Variants in PLCD4 observed in about 807,000 individuals in gnomAD.
The protein encoded by PLCD4 is phospholipase C delta 4, also known as 1-phosphatidylinositol 4,5-bisphosphate phosphodiesterase delta-4.
A neutral mutation model predicts 90.2 loss-of-function variants in PLCD4; 63 were observed. The ratio of observed to expected loss-of-function variants is 0.70; its 90% confidence interval spans 0.57 to 0.86. The LOEUF is 0.86. Among genes scored for constraint, PLCD4 ranks in the 40% least tolerant of loss-of-function variants. PLCD4 has a pLI of 0.00. For missense variants in PLCD4, 830 were observed against 956.3 expected (o/e 0.87, Z 1.74); for synonymous variants, 294 against 356.5 (o/e 0.82, Z 1.97).
intron 7 of PLCD4, chr2:218,628,485 T>G: frequency 4.8e-6 from 2 of 418,552 alleles, no homozygotes; most frequent in Non-Finnish European, 8.6e-6. Context: ...CAGATTTATA[T>G]TTAACAAATT....
At position 218,636,707 on chromosome 2, in the gene PLCD4, T is replaced by C; in HGVS notation, c.*130T>C. The C allele has an allele frequency of 1.0e-6, 1 of 958,938 alleles. No homozygotes were observed. 59.4% of individuals were successfully genotyped at this position (958,938 alleles called of 1,614,324 possible). On this transcript the variant is annotated 3_prime_UTR_variant, in exon 16 of 16. Transcript: ENST00000450993. The stretch of plus-strand genomic sequence containing the variant: ...GATTGTGCATTCCTAGGCACAAAAT[T>C]ACCTCATTCTTCCTAACAAGCAATC...
rs1695940524 is a variant in PLCD4 at position 218,622,702 on chromosome 2, A to G, written c.596A>G (p.Tyr199Cys). The G allele has an allele frequency of 6.2e-7, 1 of 1,614,048 alleles. No individual in the cohort carries two copies. The highest frequency in any genetic ancestry group is 8.5e-7 in the Non-Finnish European group (1 of 1,179,896). ...GAAGGAGAAGAATTCGTACAGTTCT[A>G]TAAGGCATTGACTAAACGTGCTGAG... ...TLEGEEFVQFYKALTKRAEVQ... is the reference protein window; with the variant it reads ...TLEGEEFVQFCKALTKRAEVQ... The change falls in exon 6 of 16, where the codon TAT (tyrosine) becomes TGT (cysteine). Residue 199 changes from tyrosine (Y) to cysteine (C), a missense_variant. Coordinates refer to ENST00000450993, the MANE Select transcript of PLCD4 (RefSeq NM_032726.4).
In PLCD4 at chr2:218,636,286, G is replaced by A. The variant is rs766706010; in HGVS notation, c.2076G>A (p.Leu692=). 6.2e-7 allele frequency: 1 copy of A among 1,614,024 alleles called. No individual in the cohort carries two copies. The highest frequency in any genetic ancestry group is 1.1e-5 in the South Asian group (1 of 91,080). ...GGCAGACACTATGTTTCCGGGTGCT[G>A]GTGCCTGAACTTGCCATGCTGCGTT... ...YWGQTLCFRV[L]VPELAMLRFV... Residue 692 remains leucine, a synonymous_variant, in exon 15 of 16, where the codon CTG becomes CTA. Coordinates refer to ENST00000450993, the MANE Select transcript of PLCD4 (RefSeq NM_032726.4).
intron 9 of PLCD4, among the ~76,000 whole-genome samples, chr2:218,631,317 A>T (rs1237673079): frequency 1.3e-5 from 2 of 152,030 alleles, no homozygotes; most frequent in African/African-American, 4.8e-5. Context: ...GGTGTGCACC[A>T]CCACACCTGG....
intron 13 of PLCD4, among the ~76,000 whole-genome samples, chr2:218,635,225 C>T (rs1410299751): frequency 6.6e-6 from 1 of 152,106 alleles, no homozygotes; most frequent in East Asian, 1.9e-4. Flanking sequence ...CTATGACTGC[C>T]CCACTGCATT....
rs1399557820 is a variant in PLCD4 at position 218,634,095 on chromosome 2, C to T, written c.1607-10C>T. Reference sequence around the variant, plus strand: ...CCCACTTCCATCTCCCTCTCTATACCCTTTTACAGGCAATGAGTTTGTGCA... The same window carrying T: ...CCCACTTCCATCTCCCTCTCTATACTCTTTTACAGGCAATGAGTTTGTGCA... On this transcript the variant is annotated splice_polypyrimidine_tract_variant and intron_variant, in intron 11 of 15. Coordinates refer to ENST00000450993, the MANE Select transcript of PLCD4 (RefSeq NM_032726.4). The surrounding 1 kb of genome is among the most constrained non-coding windows in gnomAD (Gnocchi z 4.0). 15 of 1,602,182 alleles carry T rather than the reference C, an allele frequency of 9.4e-6. No homozygotes were observed. The highest frequency in any genetic ancestry group is 1.3e-5 in the African/African-American group (1 of 74,776).
At chr2:218,627,105 A>G (rs1186547189) in intron 6 of PLCD4, among the ~76,000 whole-genome samples, 2 of 151,428 alleles carry the variant, frequency 1.3e-5, no homozygotes, top group Non-Finnish European at 2.9e-5. Context: ...TACAAAGAAA[A>G]AAAAAAAGAG....
intron 1 of PLCD4, among the ~76,000 whole-genome samples, chr2:218,614,387 G>C (rs1021798434): frequency 6.6e-6 from 1 of 151,060 alleles, no homozygotes; most frequent in East Asian, 2.0e-4. Context: ...TCCTGACCTC[G>C]TGATCCACCC....
chr2:218,629,512 C>CT lies in PLCD4; in HGVS notation c.975-4dup, dbSNP rs1300310332. On this transcript the variant is annotated splice_region_variant and splice_polypyrimidine_tract_variant and intron_variant, in intron 7 of 15. Coordinates refer to ENST00000450993, the MANE Select transcript of PLCD4 (RefSeq NM_032726.4). ...CCTATTTCTCGGTGGGGATGGGGTT[C>CT]TTTCAGGGCCCTGAAGCGGGGGTGC... 15 of 1,608,562 alleles carry CT rather than the reference C, an allele frequency of 9.3e-6. No homozygotes were observed. The highest frequency in any genetic ancestry group is 2.7e-5 in the African/African-American group (2 of 73,718).
At chr2:218,631,863 G>A (rs1406904147) in intron 9 of PLCD4, among the ~76,000 whole-genome samples, 1 of 150,966 alleles carries the variant, frequency 6.6e-6, no homozygotes, top group East Asian at 2.0e-4. Context: ...TCTTTATATT[G>A]ACATGTAAAT....
At chr2:218,633,171 G>C (rs1340160438) in intron 10 of PLCD4, 6 of 559,694 alleles carry the variant, frequency 1.1e-5, no homozygotes, top group Non-Finnish European at 1.9e-5. Context: ...TGCATACCTT[G>C]ACATATCTGT....
At chr2:218,616,106 A>C (rs1178545034) in intron 3 of PLCD4, 44 bp downstream of exon 3, 2 of 1,596,854 alleles carry the variant, frequency 1.3e-6, no homozygotes, top group Admixed American at 3.4e-5. Context: ...GGGTGGATAG[A>C]GGCCTGAGGA....
chr2:218,630,126 C>T (rs1395638926), intron 8 of PLCD4, among the ~76,000 whole-genome samples: 1 of 152,122 alleles, frequency 6.6e-6, no homozygotes, highest in Non-Finnish European at 1.5e-5. Context: ...TGCAGTGAGC[C>T]GAGATCGCAC....
chr2:218,615,620 C>A, intron 1 of PLCD4, 87 bp from the exon 2 acceptor site: 1 of 1,134,206 alleles, frequency 8.8e-7, no homozygotes, highest in South Asian at 1.7e-5. Context: ...GTGTCAGAGT[C>A]ACTAAACTCA....
chr2:218,629,709 G>C, intron 8 of PLCD4, 46 bp downstream of exon 8: 1 of 1,588,804 alleles, frequency 6.3e-7, no homozygotes, highest in Non-Finnish European at 8.6e-7. Flanking sequence ...GAAGGTCTGA[G>C]GGAAGAACGA....
Position 218,636,370 on chromosome 2 carries a change from G to A in PLCD4, c.2160G>A (p.Leu720=), listed in dbSNP as rs1342549333. The A allele has an allele frequency of 1.2e-6, 2 of 1,614,016 alleles. No homozygotes were observed. ...ATGACTTTATTGGTCAGTACACCCTGCCTTGGACCTGCATGCAACAAGGTG... is the reference window on the plus strand; with the variant it reads ...ATGACTTTATTGGTCAGTACACCCTACCTTGGACCTGCATGCAACAAGGTG... ...SRNDFIGQYT[L]PWTCMQQGYR... is the part of the protein sequence containing the mutation. The change falls in exon 15 of 16, where the codon CTG becomes CTA. Residue 720 remains leucine, a synonymous_variant. Transcript: ENST00000450993.
intron 13 of PLCD4, 78 bp from the exon 14 acceptor site, chr2:218,635,718 C>T: frequency 1.3e-6 from 2 of 1,505,998 alleles, no homozygotes; most frequent in South Asian, 1.3e-5. Context: ...AAAGCTTCTT[C>T]TCCCCTGGGG....
At chr2:218,633,509 G>T (rs1323133419) in intron 10 of PLCD4, 96 bp from the exon 11 acceptor site, 1 of 1,390,326 alleles carries the variant, frequency 7.2e-7, no homozygotes, top group South Asian at 1.2e-5. Flanking sequence ...ATACAGTGGG[G>T]AGGCAGTGGG....
rs995918964 is a variant in PLCD4, at chr2:218,629,412, TG to T, written c.975-104del. 6.9e-5 allele frequency: 90 copies of T among 1,311,236 alleles called. No individual in the cohort carries two copies. The East Asian group carries it at 1.6e-3, about 23-fold the overall frequency. The allele number at this position is 1,311,236 out of a possible 1,614,324, so 81.2% of individuals were successfully genotyped here. ...CAGATGTAGCTTGAAGGGGTCTGGATGGGTAAGTGCTGGTGAGCACTGTTCT... is the reference window on the plus strand; with the variant it reads ...CAGATGTAGCTTGAAGGGGTCTGGATGGTAAGTGCTGGTGAGCACTGTTCT... On this transcript the variant is annotated intron_variant, in intron 7 of 15. Coordinates refer to ENST00000450993, the MANE Select transcript of PLCD4 (RefSeq NM_032726.4).
Sources: allele counts gnomAD v4.1 joint callset (sites outside exome capture counted in the v4.1 genomes callset), GRCh38; gene constraint gnomAD v4.1.1; non-coding constraint Gnocchi (gnomAD v3.1); transcripts MANE v1.5; gene names NCBI Gene and HGNC (gene_info 2026-07-23, HGNC 2026-07-21).